The following ARHGAP22 variants were observed in gnomAD, a reference collection of about 807,000 sequenced individuals.
ARHGAP22 encodes the protein rho GTPase-activating protein 22.
In ARHGAP22, 48 loss-of-function variants were observed where a neutral mutation model predicts 59.1. The observed-to-expected ratio is 0.81, with a 90% CI of 0.64 to 1.03. The LOEUF is 1.03. Among genes scored for constraint, ARHGAP22 ranks in the 50% least tolerant of loss-of-function variants. ARHGAP22 has a pLI of 0.00. For missense variants in ARHGAP22, 1,015 were observed against 958.7 expected (o/e 1.06, Z -0.78); for synonymous variants, 445 against 416.4 (o/e 1.07, Z -0.84).
intron 1 of ARHGAP22, among the ~76,000 whole-genome samples, chr10:48,619,107 C>CA (rs1281730245): frequency 6.6e-6 from 1 of 151,810 alleles, no homozygotes; most frequent in Non-Finnish European, 1.5e-5. Flanking sequence ...ACAACAACTA[C>CA]AAAAAAATAC....
At chr10:48,605,658 C>A (rs914858519), upstream of ARHGAP22, among the ~76,000 whole-genome samples, 2 of 152,080 alleles carry the variant, frequency 1.3e-5, no homozygotes, top group Non-Finnish European at 2.9e-5. Flanking sequence ...GGAGCGGAAT[C>A]CAGCCTCAAG....
At chr10:48,623,725 G>C (rs1025498644) in intron 1 of ARHGAP22, among the ~76,000 whole-genome samples, 4 of 152,160 alleles carry the variant, frequency 2.6e-5, no homozygotes, top group African/African-American at 9.7e-5. Flanking sequence ...GCCCATGTCC[G>C]ATCTCCAGGG....
intron 3 of ARHGAP22, among the ~76,000 whole-genome samples, chr10:48,542,132 G>A (rs2135130248): frequency 6.6e-6 from 1 of 152,286 alleles, no homozygotes; most frequent in South Asian, 2.1e-4. Context: ...ATGATAAGAT[G>A]TGCACCAAAC....
chr10:48,454,913 T>A, intron 6 of ARHGAP22, 89 bp downstream of exon 6: 1 of 1,180,802 alleles, frequency 8.5e-7, no homozygotes, highest in South Asian at 1.8e-5. Flanking sequence ...GCCATGAAAA[T>A]TCATGAAAAG....
intron 1 of ARHGAP22, 133 bp from the exon 2 acceptor site, chr10:48,583,285 C>G: frequency 9.8e-7 from 1 of 1,025,252 alleles, no homozygotes; most frequent in Non-Finnish European, 1.4e-6. Context: ...AGCAGCTGGG[C>G]CTACTTCCCC....
At chr10:48,620,565 T>C (rs2061250257) in intron 1 of ARHGAP22, among the ~76,000 whole-genome samples, 1 of 152,200 alleles carries the variant, frequency 6.6e-6, no homozygotes, top group Admixed American at 6.5e-5. Context: ...ATTCCTTGCC[T>C]AAACTATCCA....
At position 48,451,129 on chromosome 10, in the gene ARHGAP22, C is replaced by T. The variant is rs746211181; in HGVS notation, c.1000G>A (p.Val334Ile). ...PVTIMEGTSL[V>I]QHLMTVLIRK... ...ATGAGGACGGTCATCAGGTGCTGGACGAGGGAAGTGCCTGCCGGGAAGAGA... is the reference window on the plus strand; with the variant it reads ...ATGAGGACGGTCATCAGGTGCTGGATGAGGGAAGTGCCTGCCGGGAAGAGA... Residue 334 changes from valine to isoleucine, a missense_variant, in exon 9 of 10, where the codon GTC becomes ATC. Coordinates refer to ENST00000249601, the MANE Select transcript of ARHGAP22 (RefSeq NM_021226.4). The T allele has an allele frequency of 1.5e-5, 23 of 1,552,112 alleles. No homozygotes were observed. The highest frequency in any genetic ancestry group is 2.4e-5 in the South Asian group (2 of 84,132).
At chr10:48,534,952 C>A (rs2055207065) in intron 3 of ARHGAP22, among the ~76,000 whole-genome samples, 1 of 152,200 alleles carries the variant, frequency 6.6e-6, no homozygotes, top group African/African-American at 2.4e-5. Flanking sequence ...CCCAGCACCC[C>A]CATGCTATAG....
intron 2 of ARHGAP22, among the ~76,000 whole-genome samples, chr10:48,575,810 C>T (rs930001600): frequency 6.6e-6 from 1 of 152,210 alleles, no homozygotes; most frequent in African/African-American, 2.4e-5. Flanking sequence ...ATGTTCCCTC[C>T]CCTGCTTCTT....
intron 2 of ARHGAP22, among the ~76,000 whole-genome samples, chr10:48,576,856 G>C (rs539653206): frequency 6.6e-6 from 1 of 151,894 alleles, no homozygotes; most frequent in South Asian, 2.1e-4. Flanking sequence ...GGAATTCCTA[G>C]CATGGGCAGT....
intron 1 of ARHGAP22, among the ~76,000 whole-genome samples, chr10:48,628,624 C>T (rs74477056): frequency 0.032 from 4,929 of 152,214 alleles, 103 homozygotes; most frequent in Non-Finnish European, 0.047. Flanking sequence ...CATTTGATTC[C>T]GCCTGGTGAC....
At chr10:48,486,814 G>A (rs1328142633) in intron 3 of ARHGAP22, among the ~76,000 whole-genome samples, 1 of 152,148 alleles carries the variant, frequency 6.6e-6, no homozygotes, top group African/African-American at 2.4e-5. Flanking sequence ...GCTATTGAGT[G>A]TGGGAATCAT....
At chr10:48,461,579 A>G (rs2047138222) in intron 4 of ARHGAP22, among the ~76,000 whole-genome samples, 1 of 152,242 alleles carries the variant, frequency 6.6e-6, no homozygotes, top group African/African-American at 2.4e-5. Context: ...GAGAAAATCT[A>G]TGAAAACTAA....
chr10:48,505,713 T>C (rs1008020989), intron 3 of ARHGAP22, among the ~76,000 whole-genome samples: 1 of 152,116 alleles, frequency 6.6e-6, no homozygotes, highest in African/African-American at 2.4e-5. Context: ...AGAGGTGTGT[T>C]CAGACGGCTT....
At chr10:48,643,948 G>T (rs1040408004) in intron 1 of ARHGAP22, among the ~76,000 whole-genome samples, 1 of 152,086 alleles carries the variant, frequency 6.6e-6, no homozygotes, top group Non-Finnish European at 1.5e-5. Context: ...GGGAGTTTGA[G>T]ACCAGCCTAA....
intron 1 of ARHGAP22, among the ~76,000 whole-genome samples, chr10:48,622,498 G>A (rs2061318736): frequency 6.6e-6 from 1 of 152,082 alleles, no homozygotes; most frequent in Non-Finnish European, 1.5e-5. Context: ...GGGGTACAGT[G>A]TGATATTTCA....
intron 1 of ARHGAP22, among the ~76,000 whole-genome samples, chr10:48,588,659 C>T (rs992565400): frequency 9.9e-5 from 15 of 152,202 alleles, no homozygotes; most frequent in African/African-American, 3.6e-4. Context: ...CTTCCATGCA[C>T]ACGCAGGACC....
chr10:48,451,204 A>G (rs1424020554), intron 8 of ARHGAP22, 64 bp from the exon 9 acceptor site: 2 of 1,546,064 alleles, frequency 1.3e-6, no homozygotes, highest in Non-Finnish European at 1.7e-6. Context: ...TCGCTCTGCC[A>G]GTCATGGAGA....
intron 3 of ARHGAP22, among the ~76,000 whole-genome samples, chr10:48,541,059 GC>G (rs2055884059): frequency 6.6e-6 from 1 of 152,058 alleles, no homozygotes; most frequent in Non-Finnish European, 1.5e-5. Context: ...CATGGGTGGG[GC>G]CCCAGGGTCT....
Sources: gnomAD v4.1 joint callset for allele counts (sites outside exome capture counted in the v4.1 genomes callset) on GRCh38, gnomAD v4.1.1 for gene constraint, MANE v1.5 for transcripts, NCBI Gene and HGNC (gene_info 2026-07-23, HGNC 2026-07-21) for gene names.